ZNF536: variants seen among roughly 807,000 people sequenced by gnomAD.
ZNF536 encodes zinc finger protein 536.
Under a neutral mutation model 84.5 loss-of-function variants are expected in ZNF536, and 13 were observed. The ratio of observed to expected loss-of-function variants is 0.15; its 90% confidence interval spans 0.10 to 0.24. ZNF536 has a LOEUF of 0.24. Among genes scored for constraint, ZNF536 ranks in the 10% least tolerant of loss-of-function variants. The pLI, the probability that ZNF536 is intolerant of heterozygous loss-of-function variation, is 1.00. For synonymous variants in ZNF536, 811 were observed against 742.5 expected (o/e 1.09, Z -1.50); for missense variants, 1,536 against 1,747.5 (o/e 0.88, Z 2.16).
Position 30,396,325 on chromosome 19 carries a change from T to C in ZNF536, c.-3+23769T>C, listed in dbSNP as rs145279815. Among the ~76,000 whole-genome samples, 1,291 of 152,334 alleles carry C rather than the reference T, an allele frequency of 8.5e-3. 5 individuals carry two copies. The highest frequency in any genetic ancestry group is 0.024 in the Middle Eastern group (7 of 294). ...CACATGATCTGTGTTCTAGAGTCTATAAAATAACCAATTGAAAAGGAAGTG... is the reference window on the plus strand; with the variant it reads ...CACATGATCTGTGTTCTAGAGTCTACAAAATAACCAATTGAAAAGGAAGTG... On this transcript the variant is annotated intron_variant, in intron 1 of 4. Coordinates refer to ENST00000355537, the MANE Select transcript of ZNF536 (RefSeq NM_014717.3).
At position 30,410,465 on chromosome 19, in the gene ZNF536, C is replaced by CTTTTTT. The variant is rs201561646; in HGVS notation, c.-2-33074_-2-33069dup. On this transcript the variant is annotated intron_variant, in intron 1 of 4. Transcript: ENST00000355537. Reference sequence around the variant, plus strand: ...TAAATAAACAATGAAAAGTGAAGGTCTTTTTTTTTTTTTTTTTTTTTTTTT... The same window carrying CTTTTTT: ...TAAATAAACAATGAAAAGTGAAGGTCTTTTTTTTTTTTTTTTTTTTTTTTTTTTTTT... 6.6e-4 allele frequency among the ~76,000 whole-genome samples: 81 copies of CTTTTTT among 122,598 alleles called. 17 individuals carry two copies. The highest frequency in any genetic ancestry group is 2.5e-3 in the African/African-American group (63 of 24,952). The allele number at this position is 122,598 out of a possible 152,430, so 80.4% of individuals were successfully genotyped here. A position where few individuals can be genotyped will look rare whatever the true frequency, so the allele number is the denominator to read the frequency against.
intron 1 of ZNF536, among the ~76,000 whole-genome samples, chr19:30,673,134 C>T (rs568387440): frequency 2.6e-5 from 4 of 152,254 alleles, no homozygotes; most frequent in Admixed American, 6.5e-5. Flanking sequence ...CGAGCCTCTC[C>T]GAGCCTCCGT....
At chr19:30,572,435 C>G (rs1356170073) in intron 1 of ZNF536, among the ~76,000 whole-genome samples, 1 of 152,174 alleles carries the variant, frequency 6.6e-6, no homozygotes, top group Non-Finnish European at 1.5e-5. Flanking sequence ...GACGGCCATT[C>G]TGGAAACACT....
intron 1 of ZNF536, among the ~76,000 whole-genome samples, chr19:30,383,280 ACT>A (rs1267942181): frequency 6.6e-6 from 1 of 151,050 alleles, no homozygotes; most frequent in East Asian, 1.9e-4. Flanking sequence ...GCAGAATGAG[ACT>A]CTGTCTCAAA....
At chr19:30,594,089 A>C (rs2047365255) in intron 1 of ZNF536, among the ~76,000 whole-genome samples, 1 of 152,292 alleles carries the variant, frequency 6.6e-6, no homozygotes, top group South Asian at 2.1e-4. Flanking sequence ...ATCAAACACC[A>C]AAGTTCAATG....
chr19:30,622,537 C>G (rs943358416), intron 1 of ZNF536, among the ~76,000 whole-genome samples: 1 of 152,232 alleles, frequency 6.6e-6, no homozygotes, highest in Admixed American at 6.5e-5. Context: ...GCATAATAGA[C>G]AGCGTCACTT....
intron 1 of ZNF536, among the ~76,000 whole-genome samples, chr19:30,659,954 TG>T (rs1568645808): frequency 1.2e-4 from 11 of 91,328 alleles, no homozygotes; most frequent in African/African-American, 5.0e-4. Flanking sequence ...GACACAAGGG[TG>T]TGTGTGTGTG....
At chr19:30,464,412 C>A (rs1328440359) in intron 2 of ZNF536, among the ~76,000 whole-genome samples, 1 of 152,140 alleles carries the variant, frequency 6.6e-6, no homozygotes, top group East Asian at 1.9e-4. Flanking sequence ...TCTGCATGCA[C>A]ATAACATAGG....
chr19:30,491,257 G>T (rs2054497914), intron 2 of ZNF536, among the ~76,000 whole-genome samples: 1 of 152,054 alleles, frequency 6.6e-6, no homozygotes, highest in Non-Finnish European at 1.5e-5. Context: ...AGAATTCTGG[G>T]GACATTGTTC....
chr19:30,648,657 C>T (rs1011710387), intron 1 of ZNF536, among the ~76,000 whole-genome samples: 4 of 152,200 alleles, frequency 2.6e-5, no homozygotes, highest in African/African-American at 4.8e-5. Flanking sequence ...TGCTGTTCCC[C>T]GTCCCTCATC....
chr19:30,282,768 C>T (rs577486685), intron 1 of ZNF536, among the ~76,000 whole-genome samples: 21 of 151,264 alleles, frequency 1.4e-4, no homozygotes, highest in East Asian at 1.2e-3. Context: ...TTGAGTGACA[C>T]GGGGAAAAAA....
intron 1 of ZNF536, among the ~76,000 whole-genome samples, chr19:30,239,541 A>G (rs1003093807): frequency 6.6e-6 from 1 of 152,200 alleles, no homozygotes. Context: ...TGAGACAGAC[A>G]CACTTGTTGT....
In ZNF536 at chr19:30,440,473, C is replaced by A. The variant is rs146790004; in HGVS notation, c.-2-3088C>A. 1.4e-4 allele frequency among the ~76,000 whole-genome samples: 21 copies of A among 152,316 alleles called. No individual in the cohort carries two copies. The East Asian group carries it at 3.7e-3, about 27-fold the overall frequency. ...AGGTTAGAGTGAGTCTCTATTCACT[C>A]ATTCATCCATTCACTTAGGACACAC... On this transcript the variant is annotated intron_variant, in intron 1 of 4. Transcript: ENST00000355537.
In ZNF536 at chr19:30,659,601, C is replaced by T. The variant is rs371296663; in HGVS notation, c.170-51156C>T. Among the ~76,000 whole-genome samples, 193 of 152,314 alleles carry T rather than the reference C, an allele frequency of 1.3e-3. 1 individual carries two copies. The highest frequency in any genetic ancestry group is 4.3e-3 in the African/African-American group (177 of 41,574). ...CAAACATGGTGGAAGGTGGAAAGCA[C>T]GTCTGCATGGCAGCAGGCAAGAGTA... On this transcript the variant is annotated intron_variant, in intron 1 of 1. Transcript: ENST00000592773.
At chr19:30,261,807 G>A (rs2025241874) in intron 1 of ZNF536, among the ~76,000 whole-genome samples, 1 of 152,114 alleles carries the variant, frequency 6.6e-6, no homozygotes, top group Admixed American at 6.6e-5. Context: ...GGTGGGAACT[G>A]TGAAAGGGGG....
At chr19:30,435,558 G>A (rs542285043) in intron 1 of ZNF536, among the ~76,000 whole-genome samples, 2 of 152,068 alleles carry the variant, frequency 1.3e-5, no homozygotes, top group South Asian at 4.2e-4. Context: ...TGATAATGGT[G>A]GTAATGATGG....
intron 1 of ZNF536, among the ~76,000 whole-genome samples, chr19:30,668,346 A>C (rs1050785999): frequency 6.6e-6 from 1 of 152,050 alleles, no homozygotes; most frequent in African/African-American, 2.4e-5. Flanking sequence ...TGGGCCAATC[A>C]GGGGCCCCTT....
At chr19:30,457,245 C>T (rs761385683) in intron 2 of ZNF536, among the ~76,000 whole-genome samples, 22 of 152,120 alleles carry the variant, frequency 1.4e-4, no homozygotes, top group Non-Finnish European at 1.2e-4. Context: ...ATTAGCTCAG[C>T]GACTTCTTTG....
chr19:30,435,956 A>G (rs1367487352), intron 1 of ZNF536, among the ~76,000 whole-genome samples: 4 of 152,180 alleles, frequency 2.6e-5, no homozygotes, highest in East Asian at 1.9e-4. Context: ...CAAACCAAAA[A>G]TGGTCACGTC....
Sources: allele counts gnomAD v4.1 joint callset (sites outside exome capture counted in the v4.1 genomes callset), GRCh38; gene constraint gnomAD v4.1.1; transcripts MANE v1.5; gene names NCBI Gene and HGNC (gene_info 2026-07-23, HGNC 2026-07-21).